The following PAM variants were observed in gnomAD, a reference collection of about 807,000 sequenced individuals.
The protein encoded by PAM is peptidyl-glycine alpha-amidating monooxygenase.
PAM carries 72 observed loss-of-function variants against 122.1 expected under a neutral mutation model. The observed-to-expected ratio is 0.59, with a 90% CI of 0.49 to 0.72. The LOEUF is 0.72. PAM is among the 30% of genes least tolerant of loss of function. PAM has a pLI of 0.00. For missense variants in PAM, 1,106 were observed against 1,183.7 expected, an observed-to-expected ratio of 0.93 and a Z score of 0.96; for synonymous variants, 389 against 404.4, an observed-to-expected ratio of 0.96 and a Z score of 0.46.
At chr5:103,007,333 C>T (rs1396806511) in intron 19 of PAM, 124 bp from the exon 20 acceptor site, 1 of 762,116 alleles carries the variant, frequency 1.3e-6, no homozygotes. Context: ...AACTGCTTTA[C>T]CTTATCTTTC....
intron 7 of PAM, among the ~76,000 whole-genome samples, chr5:102,944,707 T>C (rs895415853): frequency 2.0e-5 from 3 of 152,122 alleles, no homozygotes; most frequent in Non-Finnish European, 4.4e-5. Context: ...CATTATCAAC[T>C]TCTTTACGGT....
intron 7 of PAM, among the ~76,000 whole-genome samples, chr5:102,937,381 G>C (rs887663186): frequency 3.9e-5 from 6 of 152,154 alleles, no homozygotes; most frequent in Non-Finnish European, 8.8e-5. Flanking sequence ...ATCTGAAAGA[G>C]AAATGATTGG....
chr5:102,789,947 A>G (rs1009551243), intron 1 of PAM, among the ~76,000 whole-genome samples: 8 of 152,132 alleles, frequency 5.3e-5, no homozygotes, highest in Admixed American at 2.6e-4. Flanking sequence ...AGTAGTTATC[A>G]TTAGACTAAA....
chr5:102,844,959 A>T (rs992097285), intron 1 of PAM, among the ~76,000 whole-genome samples: 5 of 152,224 alleles, frequency 3.3e-5, no homozygotes, highest in Non-Finnish European at 7.3e-5. Flanking sequence ...ATCAGATTGT[A>T]AGTTGTAGTC....
At chr5:102,996,374 G>A (rs1775703700) in intron 16 of PAM, among the ~76,000 whole-genome samples, 1 of 152,158 alleles carries the variant, frequency 6.6e-6, no homozygotes, top group South Asian at 2.1e-4. Flanking sequence ...CAAATAATGT[G>A]GAGTAGCTGC....
intron 7 of PAM, among the ~76,000 whole-genome samples, chr5:102,929,204 C>T (rs1750598902): frequency 6.6e-6 from 1 of 152,128 alleles, no homozygotes; most frequent in Non-Finnish European, 1.5e-5. Context: ...TGCACTCCCA[C>T]TCACACCTCA....
intron 21 of PAM, among the ~76,000 whole-genome samples, chr5:103,013,065 G>T (rs1199278830): frequency 1.3e-5 from 2 of 152,058 alleles, no homozygotes; most frequent in African/African-American, 4.8e-5. Context: ...TGGGTCTTTT[G>T]TGATTTCATA....
chr5:102,859,406 T>C (rs1783505268), intron 1 of PAM, among the ~76,000 whole-genome samples: 1 of 151,334 alleles, frequency 6.6e-6, no homozygotes, highest in African/African-American at 2.4e-5. Flanking sequence ...AAAAGTTTAA[T>C]AAGGTTTTTT....
At chr5:102,859,907 T>A (rs1006565874) in intron 1 of PAM, among the ~76,000 whole-genome samples, 6 of 152,174 alleles carry the variant, frequency 3.9e-5, no homozygotes, top group Admixed American at 6.5e-5. Context: ...CTAGGAGCAG[T>A]AGACCGTATA....
At chr5:102,848,059 G>T (rs1217991047) in intron 1 of PAM, among the ~76,000 whole-genome samples, 1 of 152,138 alleles carries the variant, frequency 6.6e-6, no homozygotes, top group African/African-American at 2.4e-5. Context: ...ATGATCTTCT[G>T]TGGGTGTCAG....
At chr5:102,949,386 C>G (rs1582056739) in intron 9 of PAM, 151 bp from the exon 10 acceptor site, 108 of 623,936 alleles carry the variant, frequency 1.7e-4, no homozygotes, top group East Asian at 3.0e-5. Context: ...AAGTGGCTGG[C>G]ACAGAATAAG....
chr5:102,970,609 A>G (rs1765522576), intron 14 of PAM, among the ~76,000 whole-genome samples: 1 of 152,134 alleles, frequency 6.6e-6, no homozygotes, highest in South Asian at 2.1e-4. Flanking sequence ...GGCTTTAGGG[A>G]ATTCTGGAGG....
At chr5:102,866,456 A>C in intron 2 of PAM, 172 bp downstream of exon 2, 6 of 601,154 alleles carry the variant, frequency 1.0e-5, no homozygotes, top group Non-Finnish European at 1.8e-5. Context: ...AGCCCACTGC[A>C]TTGTAGCCAA....
intron 15 of PAM, among the ~76,000 whole-genome samples, chr5:102,976,885 CTCAA>C (rs1159970086): frequency 2.6e-5 from 4 of 152,126 alleles, no homozygotes; most frequent in South Asian, 2.1e-4. Context: ...TACAGTTGTG[CTCAA>C]TCAAAGAGAT....
At chr5:102,903,697 C>A (rs1798678501) in intron 4 of PAM, among the ~76,000 whole-genome samples, 1 of 151,470 alleles carries the variant, frequency 6.6e-6, no homozygotes, top group Admixed American at 6.6e-5. Context: ...AACAGAAAGT[C>A]AGAGAGGTTA....
chr5:102,836,473 C>G (rs568062944), intron 1 of PAM, among the ~76,000 whole-genome samples: 13 of 152,260 alleles, frequency 8.5e-5, no homozygotes, highest in African/African-American at 3.1e-4. Flanking sequence ...TCAAGCAGTG[C>G]TCCTACCTTG....
At chr5:102,779,457 T>C (rs532901865) in intron 1 of PAM, among the ~76,000 whole-genome samples, 5 of 152,158 alleles carry the variant, frequency 3.3e-5, no homozygotes, top group East Asian at 1.9e-4. Flanking sequence ...CTTTGTTATA[T>C]TGACCACTCA....
chr5:102,929,869 C>CTTTT (rs55739271), intron 7 of PAM, among the ~76,000 whole-genome samples: 1 of 147,068 alleles, frequency 6.8e-6, no homozygotes, highest in Non-Finnish European at 1.5e-5. Context: ...TTTTGCGATT[C>CTTTT]TTTTTTTTTT....
chr5:102,935,997 G>A (rs1349449741), intron 7 of PAM, among the ~76,000 whole-genome samples: 2 of 152,102 alleles, frequency 1.3e-5, no homozygotes, highest in Non-Finnish European at 2.9e-5. Flanking sequence ...TTTGTAAGCT[G>A]ATTGTTAAAT....
Sources: allele counts gnomAD v4.1 joint callset (sites outside exome capture counted in the v4.1 genomes callset), GRCh38; gene constraint gnomAD v4.1.1; transcripts MANE v1.5; gene names NCBI Gene and HGNC (gene_info 2026-07-23, HGNC 2026-07-21).